Variants in PDZD2 observed in about 807,000 individuals in gnomAD.
The protein encoded by PDZD2 is PDZ domain containing 2.
A neutral mutation model predicts 220.7 loss-of-function variants in PDZD2; 90 were observed. The ratio of observed to expected loss-of-function variants is 0.41; its 90% confidence interval spans 0.34 to 0.49. The LOEUF is 0.49. Among genes scored for constraint, PDZD2 ranks in the 20% least tolerant of loss-of-function variants. The pLI is 0.28. For synonymous variants in PDZD2, 1,375 were observed against 1,450.5 expected, an observed-to-expected ratio of 0.95 and a Z score of 1.18; for missense variants, 3,174 against 3,608.5, an observed-to-expected ratio of 0.88 and a Z score of 3.08.
chr5:31,648,213 T>C (rs1745207350), intron 1 of PDZD2, among the ~76,000 whole-genome samples: 1 of 152,156 alleles, frequency 6.6e-6, no homozygotes, highest in Non-Finnish European at 1.5e-5. Context: ...ACTTCTGCCT[T>C]CCAAATTTAT....
intron 1 of PDZD2, among the ~76,000 whole-genome samples, chr5:31,733,858 T>A (rs1749682204): frequency 6.6e-6 from 1 of 152,358 alleles, no homozygotes; most frequent in East Asian, 1.9e-4. Flanking sequence ...GATTTCTTCA[T>A]ACACATGAAT....
intron 1 of PDZD2, among the ~76,000 whole-genome samples, chr5:31,789,185 T>C (rs1429509266): frequency 2.0e-5 from 3 of 152,170 alleles, no homozygotes; most frequent in African/African-American, 4.8e-5. Flanking sequence ...CCATCACATA[T>C]GCATTCTAAG....
intron 6 of PDZD2, among the ~76,000 whole-genome samples, chr5:32,035,943 T>G (rs1755505401): frequency 6.6e-6 from 1 of 151,864 alleles, no homozygotes; most frequent in African/African-American, 2.4e-5. Context: ...TTGTTTTGTT[T>G]TGTTTGTTTG....
intron 2 of PDZD2, among the ~76,000 whole-genome samples, chr5:31,875,136 C>T (rs931480066): frequency 2.0e-5 from 3 of 152,174 alleles, no homozygotes; most frequent in African/African-American, 4.8e-5. Context: ...TTCATTTTAA[C>T]TGCCTTTGCT....
chr5:32,031,847 A>G (rs964451552), intron 6 of PDZD2, among the ~76,000 whole-genome samples: 2 of 152,234 alleles, frequency 1.3e-5, no homozygotes, highest in African/African-American at 4.8e-5. Context: ...TTAAACATAA[A>G]TACGATTGTT....
At position 31,837,456 on chromosome 5, in the gene PDZD2, C is replaced by T. The variant is rs550524019; in HGVS notation, c.476+37732C>T. On this transcript the variant is annotated intron_variant, in intron 2 of 24. Transcript: ENST00000438447. ...AAGAATATGAGGCCAGGCACAGTGGCTCATGCCTGTAGTCCCAGCACTTTG... is the reference window on the plus strand; with the variant it reads ...AAGAATATGAGGCCAGGCACAGTGGTTCATGCCTGTAGTCCCAGCACTTTG... Among the ~76,000 whole-genome samples, 4 of 152,252 alleles carry T rather than the reference C, an allele frequency of 2.6e-5. No homozygotes were observed. In the East Asian group the frequency reaches 7.7e-4, roughly 29 times the overall value.
chr5:31,846,148 C>A (rs1757575114), intron 2 of PDZD2, among the ~76,000 whole-genome samples: 1 of 152,096 alleles, frequency 6.6e-6, no homozygotes, highest in South Asian at 2.1e-4. Flanking sequence ...TGGTTTTTTT[C>A]TTTGAGACGG....
chr5:31,776,922 A>G (rs7708804), intron 1 of PDZD2, among the ~76,000 whole-genome samples: 76,477 of 151,866 alleles, frequency 0.5, 20,127 homozygotes, highest in African/African-American at 0.55. Context: ...GCCTCCCAAA[A>G]TGCTAGTGAG....
intron 1 of PDZD2, among the ~76,000 whole-genome samples, chr5:31,729,097 A>ATTTTT (rs769219255): frequency 1.2e-5 from 1 of 82,568 alleles, no homozygotes; most frequent in African/African-American, 5.1e-5. Context: ...AGTGATCGAA[A>ATTTTT]TCTTTTTTTT....
Position 31,734,422 on chromosome 5 carries a change from C to T in PDZD2, c.-360-64467C>T, listed in dbSNP as rs939948015. On this transcript the variant is annotated intron_variant, in intron 1 of 24. Transcript: ENST00000438447. ...GCAGCCTCTGCCTCCCGGGTTCAAGCGATTCTCCTGCCTCAGCCCCTTGAG... is the reference window on the plus strand; with the variant it reads ...GCAGCCTCTGCCTCCCGGGTTCAAGTGATTCTCCTGCCTCAGCCCCTTGAG... Among the ~76,000 whole-genome samples, 6 of 152,092 alleles carry T rather than the reference C, an allele frequency of 3.9e-5. No homozygotes were observed. In the South Asian group the frequency reaches 6.2e-4, roughly 16 times the overall value.
chr5:32,073,952 C>A lies in PDZD2; in HGVS notation c.2846C>A (p.Pro949Gln). Residue 949 changes from proline to glutamine, a missense_variant, in exon 18 of 25, where the codon CCA becomes CAA. Around this residue, in one of 4 missense-constraint regions of PDZD2, gnomAD observed 1,861 missense variants for 2,001.0 expected, o/e 0.93. Coordinates refer to ENST00000438447, the MANE Select transcript of PDZD2 (RefSeq NM_178140.4). ...VARQASLPGS[P>Q]QALRNPLLRQ... ...AGACAAGCCAGTCTCCCCGGAAGCC[C>A]ACAGGCCCTCCGAAACCCTCTCCTC... 2 of 1,614,158 alleles carry A rather than the reference C, an allele frequency of 1.2e-6. No homozygotes were observed. The highest frequency in any genetic ancestry group is 2.2e-5 in the South Asian group (2 of 91,068).
At chr5:31,662,790 C>T (rs767531121) in intron 1 of PDZD2, among the ~76,000 whole-genome samples, 8 of 152,310 alleles carry the variant, frequency 5.3e-5, no homozygotes, top group East Asian at 1.9e-4. Context: ...CCACCACGCC[C>T]AGCTAATTTT....
chr5:31,642,832 C>A (rs1385109412), intron 1 of PDZD2, among the ~76,000 whole-genome samples: 1 of 152,110 alleles, frequency 6.6e-6, no homozygotes, highest in African/African-American at 2.4e-5. Flanking sequence ...GACCTGGGGT[C>A]ACTTCGTGAA....
chr5:31,798,712 G>T (rs1383835004), intron 1 of PDZD2, among the ~76,000 whole-genome samples, 177 bp from the exon 2 acceptor site: 1 of 152,180 alleles, frequency 6.6e-6, no homozygotes, highest in Non-Finnish European at 1.5e-5. Flanking sequence ...AGAAGGGAGT[G>T]TCCATACAGC....
chr5:31,933,090 T>C (rs1745439503), intron 2 of PDZD2, among the ~76,000 whole-genome samples: 1 of 152,086 alleles, frequency 6.6e-6, no homozygotes, highest in East Asian at 1.9e-4. Context: ...TTTGTATTTT[T>C]AGTAGAGACG....
Position 32,066,097 on chromosome 5 carries a change from C to CT in PDZD2, c.2452-3469dup, listed in dbSNP as rs368558956. Among the ~76,000 whole-genome samples the CT allele has an allele frequency of 8.4e-3, 1,283 of 152,110 alleles. 18 individuals are homozygous for CT. Among genetic ancestry groups the CT allele is most frequent in the African/African-American group, 0.029 (1,216 of 41,460 alleles). Reference sequence around the variant, plus strand: ...GTAGCTCACATGTGTAATCCGAGCACTTTGCAAGGCCAAGGCAGGTGGATC... The same window carrying CT: ...GTAGCTCACATGTGTAATCCGAGCACTTTTGCAAGGCCAAGGCAGGTGGATC... On this transcript the variant is annotated intron_variant, in intron 14 of 24. Transcript: ENST00000438447.
chr5:31,715,276 A>G (rs1462100538), intron 1 of PDZD2, among the ~76,000 whole-genome samples: 1 of 152,166 alleles, frequency 6.6e-6, no homozygotes, highest in African/African-American at 2.4e-5. Context: ...TAATTCTTCA[A>G]GATTAGATTG....
intron 1 of PDZD2, among the ~76,000 whole-genome samples, chr5:31,773,670 T>C (rs781082355): frequency 6.6e-6 from 1 of 151,970 alleles, no homozygotes; most frequent in Non-Finnish European, 1.5e-5. Context: ...TATTTAGATA[T>C]ATTGATTTAT....
At chr5:31,670,127 G>C (rs1746159628) in intron 1 of PDZD2, among the ~76,000 whole-genome samples, 1 of 152,104 alleles carries the variant, frequency 6.6e-6, no homozygotes. Context: ...CCTCCCTGAT[G>C]CTTAGCAATT....
Sources: allele counts gnomAD v4.1 joint callset (sites outside exome capture counted in the v4.1 genomes callset), GRCh38; gene constraint gnomAD v4.1.1; regional missense constraint gnomAD v4.1.1; transcripts MANE v1.5; gene names NCBI Gene and HGNC (gene_info 2026-07-23, HGNC 2026-07-21).